The following FAM135B variants were observed in gnomAD, a reference collection of about 807,000 sequenced individuals.
FAM135B encodes the protein family with sequence similarity 135 member B.
FAM135B carries 43 observed loss-of-function variants against 127.7 expected under a neutral mutation model. The observed-to-expected ratio is 0.34, with a 90% CI of 0.26 to 0.43. The LOEUF (loss-of-function observed/expected upper bound fraction) is 0.43. Among genes scored for constraint, FAM135B ranks in the 20% least tolerant of loss-of-function variants. The probability of loss-of-function intolerance (pLI) is 1.00; values close to 1 mark genes in which losing one functional copy is unlikely to be tolerated. For missense variants in FAM135B, 1,558 were observed against 1,725.6 expected, an observed-to-expected ratio of 0.90 and a Z score of 1.72; for synonymous variants, 670 against 665.1, an observed-to-expected ratio of 1.01 and a Z score of -0.11.
intron 1 of FAM135B, among the ~76,000 whole-genome samples, chr8:138,421,480 C>T (rs546918689): frequency 5.9e-5 from 9 of 152,246 alleles, no homozygotes; most frequent in African/African-American, 2.2e-4. Flanking sequence ...ATCAGCATTT[C>T]TATACATAAT....
chr8:138,221,634 G>A (rs1819030183), intron 7 of FAM135B, among the ~76,000 whole-genome samples: 1 of 152,144 alleles, frequency 6.6e-6, no homozygotes. Flanking sequence ...ATTAACTGAC[G>A]TATCAGAATG....
At chr8:138,196,024 G>A (rs182001578) in intron 8 of FAM135B, among the ~76,000 whole-genome samples, 19 of 152,238 alleles carry the variant, frequency 1.2e-4, no homozygotes, top group South Asian at 8.3e-4. Context: ...CTACTTCACC[G>A]CTGACCTCAG....
chr8:138,490,452 G>A (rs920717928), intron 1 of FAM135B, among the ~76,000 whole-genome samples: 7 of 152,182 alleles, frequency 4.6e-5, no homozygotes, highest in Non-Finnish European at 4.4e-5. Flanking sequence ...ACATGGAAGA[G>A]GGCATGCCTG....
rs762897675 is a variant in FAM135B, at chr8:138,152,199, T to A, written c.2276A>T (p.Glu759Val). The change falls in exon 13 of 20, where the codon GAG (glutamate) becomes GTG (valine). Residue 759 changes from glutamate to valine, a missense_variant. Coordinates refer to ENST00000395297, the MANE Select transcript of FAM135B (RefSeq NM_015912.4). The part of the protein sequence containing the change: ...SISSLPFEED[E>V]REVALTKLTK... ...TAACTTAGTGAGTGCCACCTCCCGC[T>A]CATCCTCCTCAAAAGGTAAAGAGCT... 5.0e-5 allele frequency: 80 copies of A among 1,613,994 alleles called. No individual in the cohort carries two copies. The highest frequency in any genetic ancestry group is 6.3e-5 in the Non-Finnish European group (74 of 1,180,038).
intron 2 of FAM135B, among the ~76,000 whole-genome samples, chr8:138,341,698 T>C (rs1056686480): frequency 3.9e-5 from 6 of 152,210 alleles, no homozygotes; most frequent in African/African-American, 1.4e-4. Flanking sequence ...CTCTCTACTG[T>C]AAGCCTCTCC....
At chr8:138,196,821 C>T (rs1816669163) in intron 8 of FAM135B, among the ~76,000 whole-genome samples, 1 of 152,210 alleles carries the variant, frequency 6.6e-6, no homozygotes, top group Admixed American at 6.5e-5. Context: ...GACCCTGCCC[C>T]AAGGCATCAG....
At chr8:138,324,197 A>T (rs1037533897) in intron 2 of FAM135B, among the ~76,000 whole-genome samples, 2 of 152,208 alleles carry the variant, frequency 1.3e-5, no homozygotes. Flanking sequence ...ATCACATTTA[A>T]TTCTGATGAA....
intron 1 of FAM135B, among the ~76,000 whole-genome samples, chr8:138,495,345 T>G (rs963094273): frequency 3.3e-5 from 5 of 152,190 alleles, no homozygotes; most frequent in Non-Finnish European, 5.9e-5. Context: ...CCATGTTTTC[T>G]GACCCTCCAA....
At chr8:138,439,413 A>G (rs998672694) in intron 1 of FAM135B, 6 of 152,176 alleles carry the variant, frequency 3.9e-5, no homozygotes, top group Non-Finnish European at 5.9e-5. Flanking sequence ...CCACTACACC[A>G]TGTGACCTCA....
intron 7 of FAM135B, among the ~76,000 whole-genome samples, chr8:138,217,200 T>C (rs955934732): frequency 6.6e-6 from 1 of 152,210 alleles, no homozygotes; most frequent in East Asian, 1.9e-4. Context: ...TCAGAATCTA[T>C]ATTTATGTAA....
intron 1 of FAM135B, among the ~76,000 whole-genome samples, chr8:138,415,840 C>T (rs1161805704): frequency 6.6e-6 from 1 of 152,178 alleles, no homozygotes. Context: ...AGGCCCATCT[C>T]CTGAAATATG....
intron 1 of FAM135B, among the ~76,000 whole-genome samples, chr8:138,493,631 A>C (rs1815282367): frequency 6.6e-6 from 1 of 152,228 alleles, no homozygotes; most frequent in Non-Finnish European, 1.5e-5. Flanking sequence ...ACACAGAGCT[A>C]GTAAGTGAAG....
rs191007852 is a variant in FAM135B, at chr8:138,324,316, T to G, written c.78-13396A>C. Among the ~76,000 whole-genome samples, 60 of 152,336 alleles carry G rather than the reference T, an allele frequency of 3.9e-4. No individual in the cohort carries two copies. In the East Asian group the frequency reaches 0.011, roughly 28 times the overall value. ...AGTCAGGTAAGAGATCTACGTAGTA[T>G]TAGATAGCATTTATTCTTCAATTTC... On this transcript the variant is annotated intron_variant, in intron 2 of 19. Transcript: ENST00000395297.
chr8:138,175,749 T>C (rs1313081974), intron 11 of FAM135B, among the ~76,000 whole-genome samples: 1 of 152,180 alleles, frequency 6.6e-6, no homozygotes, highest in African/African-American at 2.4e-5. Flanking sequence ...TTCTATGTTC[T>C]TATCTTGCTT....
At chr8:138,451,677 C>G (rs1836491860) in intron 1 of FAM135B, among the ~76,000 whole-genome samples, 1 of 152,226 alleles carries the variant, frequency 6.6e-6, no homozygotes, top group Non-Finnish European at 1.5e-5. Context: ...AGCATGTTTA[C>G]TGATCTTTAA....
At chr8:138,379,812 T>G (rs910757633) in intron 1 of FAM135B, among the ~76,000 whole-genome samples, 1 of 152,132 alleles carries the variant, frequency 6.6e-6, no homozygotes, top group Non-Finnish European at 1.5e-5. Context: ...AGACATAACT[T>G]GAGAGCAAAT....
rs758490772 is a variant in FAM135B, at chr8:138,153,195, G to A, written c.1280C>T (p.Pro427Leu). The stretch of plus-strand genomic sequence containing the variant: ...ACTTGTCACTGGAACATCAAAATTA[G>A]GATAAACACTCAAGTTATGCCCTAC... The part of the protein sequence containing the change: ...PATGHNLSVY[P>L]NFDVPVTSPT... The change falls in exon 13 of 20, where the codon CCT (proline) becomes CTT (leucine). Residue 427 changes from proline (P) to leucine (L), a missense_variant. Coordinates refer to ENST00000395297, the MANE Select transcript of FAM135B (RefSeq NM_015912.4). 1 of 1,575,642 alleles carries A rather than the reference G, an allele frequency of 6.3e-7. No homozygotes were observed. The highest frequency in any genetic ancestry group is 8.6e-7 in the Non-Finnish European group (1 of 1,160,338).
intron 1 of FAM135B, among the ~76,000 whole-genome samples, chr8:138,444,289 C>A (rs1193998472): frequency 1.3e-5 from 2 of 152,120 alleles, no homozygotes; most frequent in Non-Finnish European, 2.9e-5. Context: ...CTCAGCTCTG[C>A]ACCAAGCGGA....
intron 1 of FAM135B, among the ~76,000 whole-genome samples, chr8:138,486,844 C>T (rs938632556): frequency 3.9e-5 from 6 of 152,166 alleles, no homozygotes; most frequent in Non-Finnish European, 8.8e-5. Context: ...GACCTCTCCA[C>T]GAAGACCTAG....
Sources: gnomAD v4.1 joint callset for allele counts (sites outside exome capture counted in the v4.1 genomes callset) on GRCh38, gnomAD v4.1.1 for gene constraint, MANE v1.5 for transcripts, NCBI Gene and HGNC (gene_info 2026-07-23, HGNC 2026-07-21) for gene names.